The following GABRR1 variants were observed in gnomAD, a reference collection of about 807,000 sequenced individuals.
The protein encoded by GABRR1 is gamma-aminobutyric acid receptor subunit rho-1.
In GABRR1, 59 loss-of-function variants were observed where a neutral mutation model predicts 55.5. The ratio of observed to expected loss-of-function variants is 1.06; its 90% confidence interval spans 0.86 to 1.32. The LOEUF is 1.32. GABRR1 is among the 40% of genes most tolerant of loss of function. The pLI is 0.00. For missense variants in GABRR1, 602 were observed against 619.1 expected, an observed-to-expected ratio of 0.97 and a Z score of 0.29; for synonymous variants, 213 against 226.0, an observed-to-expected ratio of 0.94 and a Z score of 0.51.
At chr6:89,192,993 C>T (rs1772149557) in intron 5 of GABRR1, among the ~76,000 whole-genome samples, 1 of 152,178 alleles carries the variant, frequency 6.6e-6, no homozygotes, top group South Asian at 2.1e-4. Flanking sequence ...TTATTGTATG[C>T]TGGTGCCTAG....
intron 1 of GABRR1, among the ~76,000 whole-genome samples, chr6:89,212,503 A>G (rs1268039506): frequency 6.6e-6 from 1 of 152,192 alleles, no homozygotes; most frequent in Non-Finnish European, 1.5e-5. Context: ...TTAGCACGAC[A>G]AAGAATGCAT....
rs901552401 is a variant in GABRR1 at position 89,217,330 on chromosome 6, C to T, written c.-8G>A. 3.7e-6 allele frequency: 6 copies of T among 1,613,646 alleles called. No homozygotes were observed. The highest frequency in any genetic ancestry group is 1.7e-5 in the Admixed American group (1 of 59,948). On this transcript the variant is annotated 5_prime_UTR_variant, in exon 1 of 10. Coordinates refer to ENST00000454853, the MANE Select transcript of GABRR1 (RefSeq NM_002042.5). ...ATTTGGGACAGCCAACATGGGTTTC[C>T]AAATTCAAACAGCTCTCTCCAGAAA...
chr6:89,208,919 C>G (rs13215566), intron 1 of GABRR1, among the ~76,000 whole-genome samples: 29,380 of 152,120 alleles, frequency 0.19, 3,396 homozygotes, highest in African/African-American at 0.32. Context: ...CTAGGATGGG[C>G]GTACCAGCCC....
At chr6:89,185,172 C>T (rs1354546971) in intron 7 of GABRR1, 138 bp downstream of exon 7, 1 of 1,132,168 alleles carries the variant, frequency 8.8e-7, no homozygotes, top group East Asian at 2.4e-5. Flanking sequence ...GCCACTGCAC[C>T]CGGCCTCTGT....
chr6:89,196,825 A>AGGAAAGAAAGAAAGAAAGAAAGAAAGAC (rs57288590), intron 5 of GABRR1, among the ~76,000 whole-genome samples: 1 of 81,164 alleles, frequency 1.2e-5, no homozygotes, highest in Admixed American at 1.2e-4. Flanking sequence ...AAAAGAAGGA[A>AGGAAAGAAAGAAAGAAAGAAAGAAAGAC]AGAAAGAAAG....
chr6:89,182,055 A>T lies in GABRR1; in HGVS notation c.799T>A (p.Trp267Arg). The change falls in exon 8 of 10, where the codon TGG becomes AGG. Residue 267 changes from tryptophan (W) to arginine (R), a missense_variant and splice_region_variant. Coordinates refer to ENST00000454853, the MANE Select transcript of GABRR1 (RefSeq NM_002042.5). The part of the protein sequence containing the change: ...TKLAFYSSTG[W>R]YNRLYINFTL... Reference sequence around the variant, plus strand: ...AAATTAATGTAGAGACGGTTGTACCAGCCTGGGGGACACAGGAATAAAAGA... The same window carrying T: ...AAATTAATGTAGAGACGGTTGTACCTGCCTGGGGGACACAGGAATAAAAGA... 6.2e-7 allele frequency: 1 copy of T among 1,614,058 alleles called. No individual in the cohort carries two copies. The highest frequency in any genetic ancestry group is 8.5e-7 in the Non-Finnish European group (1 of 1,179,958).
intron 1 of GABRR1, among the ~76,000 whole-genome samples, chr6:89,204,369 C>T (rs1360760749): frequency 1.3e-5 from 2 of 152,200 alleles, no homozygotes; most frequent in Non-Finnish European, 2.9e-5. Flanking sequence ...GCATGCGCTT[C>T]AGGCGATGGG....
intron 9 of GABRR1, 38 bp downstream of exon 9, chr6:89,180,254 C>T: frequency 6.3e-7 from 1 of 1,592,374 alleles, no homozygotes; most frequent in Non-Finnish European, 8.6e-7. Flanking sequence ...GATCAGGTTC[C>T]ATCCTGACCA....
intron 9 of GABRR1, 149 bp from the exon 10 acceptor site, chr6:89,179,212 T>C: frequency 1.2e-6 from 1 of 828,238 alleles, no homozygotes; most frequent in Non-Finnish European, 1.8e-6. Context: ...TTTGTTTTTG[T>C]TTTTGTTTTT....
upstream of GABRR1, among the ~76,000 whole-genome samples, chr6:89,219,365 C>T (rs369217814): frequency 2.0e-5 from 3 of 152,298 alleles, no homozygotes; most frequent in East Asian, 1.9e-4. Flanking sequence ...CATTCAACAC[C>T]GTATGGCTCT....
In GABRR1 at chr6:89,180,454, G is replaced by A. The variant is rs1771683087; in HGVS notation, c.984C>T (p.Ile328=). 2 of 1,613,898 alleles carry A rather than the reference G, an allele frequency of 1.2e-6. No individual in the cohort carries two copies. Among genetic ancestry groups the A allele is most frequent in the Non-Finnish European group, 1.7e-6 (2 of 1,179,946 alleles). The part of the protein sequence containing the change: ...ITTVLTMSTI[I]TGVNASMPRV... Reference sequence around the variant, plus strand: ...GCGGCATGGAGGCATTCACGCCCGTGATGATGGTGGACATGGTCAGCACCG... The same window carrying A: ...GCGGCATGGAGGCATTCACGCCCGTAATGATGGTGGACATGGTCAGCACCG... The change falls in exon 9 of 10, where the codon ATC becomes ATT. Residue 328 remains isoleucine, a synonymous_variant. Transcript: ENST00000454853.
chr6:89,186,528 C>T (rs1771907406), intron 6 of GABRR1, among the ~76,000 whole-genome samples: 1 of 152,238 alleles, frequency 6.6e-6, no homozygotes. Context: ...CACAATCCTG[C>T]TAGCCACTTC....
upstream of GABRR1, chr6:89,221,525 T>A (rs996594588): frequency 2.0e-5 from 3 of 152,228 alleles, no homozygotes; most frequent in Admixed American, 2.0e-4. Flanking sequence ...TTACATTGTA[T>A]TAGATATTAG....
intron 1 of GABRR1, among the ~76,000 whole-genome samples, chr6:89,212,994 A>G (rs577404086): frequency 4.6e-5 from 7 of 152,268 alleles, no homozygotes; most frequent in African/African-American, 1.4e-4. Context: ...TTTTGATTCT[A>G]GAAACATTGC....
intron 1 of GABRR1, among the ~76,000 whole-genome samples, chr6:89,225,924 CTGT>C (rs978997884): frequency 5.6e-4 from 83 of 147,296 alleles, no homozygotes; most frequent in Non-Finnish European, 1.1e-3. Flanking sequence ...TCTCCAGCAC[CTGT>C]TGTTTCCTGA....
intron 1 of GABRR1, among the ~76,000 whole-genome samples, chr6:89,222,400 G>A (rs575361872): frequency 1.3e-5 from 2 of 152,072 alleles, no homozygotes; most frequent in Non-Finnish European, 2.9e-5. Flanking sequence ...TTTTCCCCTT[G>A]GCCCACTGCA....
At chr6:89,200,836 T>G (rs1772447453) in intron 3 of GABRR1, among the ~76,000 whole-genome samples, 1 of 152,134 alleles carries the variant, frequency 6.6e-6, no homozygotes. Flanking sequence ...TTCCAAGTAT[T>G]TTTAGGAGGC....
chr6:89,203,477 C>T lies in GABRR1; in HGVS notation c.131G>A (p.Arg44Lys). The change falls in exon 2 of 10, where the codon AGA becomes AAA. Residue 44 changes from arginine (R) to lysine (K), a missense_variant. This residue lies in a region of GABRR1 where 435 missense variants were observed against 424.2 expected (regional missense o/e 1.03). Transcript: ENST00000454853. ...ATCTTCATGTACTTCTCGTCTTTGT[C>T]TTTGGGGCCTACCATGAACATTAAA... The part of the protein sequence containing the change: ...HEMSKKGRPQ[R>K]QRREVHEDAH... The T allele has an allele frequency of 1.2e-6, 2 of 1,612,728 alleles. No individual in the cohort carries two copies. Among genetic ancestry groups the T allele is most frequent in the Non-Finnish European group, 1.7e-6 (2 of 1,178,766 alleles).
At chr6:89,228,729 A>C in intron 1 of GABRR1, among the ~76,000 whole-genome samples, 1 of 146,498 alleles carries the variant, frequency 6.8e-6, no homozygotes, top group South Asian at 2.2e-4. Context: ...TGCTGAAAAA[A>C]ATGTATATTC....
Sources: allele counts gnomAD v4.1 joint callset (sites outside exome capture counted in the v4.1 genomes callset), GRCh38; gene constraint gnomAD v4.1.1; regional missense constraint gnomAD v4.1.1; transcripts MANE v1.5; gene names NCBI Gene and HGNC (gene_info 2026-07-23, HGNC 2026-07-21).